Variants in CACNA1C observed in about 807,000 individuals in gnomAD.
CACNA1C encodes the protein voltage-dependent L-type calcium channel subunit alpha-1C.
In CACNA1C, 30 loss-of-function variants were observed where a neutral mutation model predicts 229.0. The observed-to-expected ratio is 0.13, with a 90% CI of 0.10 to 0.18. CACNA1C has a LOEUF of 0.18. CACNA1C is among the 10% of genes least tolerant of loss of function. CACNA1C has a pLI of 1.00. For synonymous variants in CACNA1C, 1,114 were observed against 1,132.5 expected, an observed-to-expected ratio of 0.98 and a Z score of 0.33; for missense variants, 1,658 against 2,845.0, an observed-to-expected ratio of 0.58 and a Z score of 9.49.
intron 3 of CACNA1C, among the ~76,000 whole-genome samples, chr12:2,169,478 C>G (rs1333005920): frequency 6.6e-6 from 1 of 152,226 alleles, no homozygotes; most frequent in Non-Finnish European, 1.5e-5. Context: ...GTCTAAGCAC[C>G]TGCTCATGCC....
At position 2,488,655 on chromosome 12, in the gene CACNA1C, C is replaced by T. The variant is rs2099706108; in HGVS notation, c.916+2393C>T. 6.6e-6 allele frequency among the ~76,000 whole-genome samples: 1 copy of T among 152,194 alleles called. No individual in the cohort carries two copies. The highest frequency in any genetic ancestry group is 1.5e-5 in the Non-Finnish European group (1 of 68,040). On this transcript the variant is annotated intron_variant, in intron 6 of 46. Transcript: ENST00000399655. The surrounding 1 kb of genome is among the most constrained non-coding windows in gnomAD (Gnocchi z 4.0). ...TCAGAAGAGAAGTAGGCTCCCATCA[C>T]AGAAATGGCCATGAGCCAAGGGGGC... is the stretch of plus-strand genomic sequence containing the variant.
chr12:2,161,601 T>C (rs1256403020), intron 3 of CACNA1C, among the ~76,000 whole-genome samples: 4 of 152,038 alleles, frequency 2.6e-5, no homozygotes, highest in African/African-American at 9.7e-5. Context: ...CCGTGAAAAA[T>C]GATGGGGACT....
chr12:2,573,161 A>C (rs1327035243), intron 13 of CACNA1C, among the ~76,000 whole-genome samples: 2 of 152,080 alleles, frequency 1.3e-5, no homozygotes, highest in African/African-American at 4.8e-5. Flanking sequence ...GTGATACTCC[A>C]GCCTCGTCTC....
chr12:2,467,596 G>A lies in CACNA1C; in HGVS notation c.757+9890G>A, dbSNP rs1398217428. Among the ~76,000 whole-genome samples, 1 of 152,160 alleles carries A rather than the reference G, an allele frequency of 6.6e-6. No homozygotes were observed. The highest frequency in any genetic ancestry group is 1.5e-5 in the Non-Finnish European group (1 of 68,016). On this transcript the variant is annotated intron_variant, in intron 5 of 46. Coordinates refer to ENST00000399655, the MANE Select transcript of CACNA1C (RefSeq NM_000719.7). This position sits in a 1 kb window ranked among gnomAD's most constrained non-coding sequence, Gnocchi z 4.6. Reference sequence around the variant, plus strand: ...AGGGCAGCCAGAGACAGCAGGGGGTGGCGGGGGGCCCTTCACACTGCAGGA... The same window carrying A: ...AGGGCAGCCAGAGACAGCAGGGGGTAGCGGGGGGCCCTTCACACTGCAGGA...
chr12:2,512,821 C>A lies in CACNA1C; in HGVS notation c.1227C>A (p.Ser409=). ...CTCTCACTCTCACCAGAGAGTTTTC[C>A]AAAGAGAGGGAGAAGGCCAAGGCCC... ...LVLGVLSGEF[S]KEREKAKARG... is the part of the protein sequence containing the mutation. Residue 409 remains serine (S), a synonymous_variant, in exon 9 of 47, where the codon TCC becomes TCA. Transcript: ENST00000399655. This position sits in a 1 kb window ranked among gnomAD's most constrained non-coding sequence, Gnocchi z 4.3. The A allele has an allele frequency of 6.2e-7, 1 of 1,611,242 alleles. No homozygotes were observed. The highest frequency in any genetic ancestry group is 1.1e-5 in the South Asian group (1 of 90,230).
In CACNA1C at chr12:2,004,281, C is replaced by G. The variant is rs766651201; in HGVS notation, c.139+33080C>G. On this transcript the variant is annotated intron_variant, in intron 1 of 46. Transcript: ENST00000682462. Reference sequence around the variant, plus strand: ...CACTGCTCCGCCGCGTCCGCACGCACCCACTCGTTGGCCCGATGGCCGAAG... The same window carrying G: ...CACTGCTCCGCCGCGTCCGCACGCAGCCACTCGTTGGCCCGATGGCCGAAG... 2.5e-6 allele frequency: 4 copies of G among 1,613,088 alleles called. No individual in the cohort carries two copies. In the East Asian group the frequency reaches 8.9e-5, roughly 36 times the overall value.
At chr12:2,059,807 C>T (rs1195408270) in intron 1 of CACNA1C, among the ~76,000 whole-genome samples, 1 of 152,124 alleles carries the variant, frequency 6.6e-6, no homozygotes, top group Non-Finnish European at 1.5e-5. Flanking sequence ...AATACAAGGT[C>T]TTCAGTCTCT....
At chr12:2,265,191 C>T (rs955529090) in intron 3 of CACNA1C, among the ~76,000 whole-genome samples, 3 of 152,156 alleles carry the variant, frequency 2.0e-5, no homozygotes, top group African/African-American at 7.2e-5. Flanking sequence ...GTGATGCTGA[C>T]CTTCTGCACA....
At chr12:2,302,456 T>G (rs2094637209) in intron 3 of CACNA1C, among the ~76,000 whole-genome samples, 3 of 151,996 alleles carry the variant, frequency 2.0e-5, no homozygotes, top group African/African-American at 7.3e-5. Flanking sequence ...TCGTCCATAC[T>G]GCCCATCTTC....
chr12:2,193,232 A>G (rs1296162755), intron 3 of CACNA1C, among the ~76,000 whole-genome samples: 1 of 152,236 alleles, frequency 6.6e-6, no homozygotes, highest in African/African-American at 2.4e-5. Flanking sequence ...AGGCGGGTGG[A>G]TCACTTGAAC....
intron 3 of CACNA1C, among the ~76,000 whole-genome samples, chr12:2,365,567 C>T (rs2097699245): frequency 6.6e-6 from 1 of 152,340 alleles, no homozygotes; most frequent in South Asian, 2.1e-4. Flanking sequence ...GCATGTCTAC[C>T]ACTGGCCTTC....
rs2093326047 is a variant in CACNA1C at position 2,639,197 on chromosome 12, G to A, written c.3912+4817G>A. Reference sequence around the variant, plus strand: ...ATGCATCACCTGGGTCTAAATCCGAGCTTTTCTTCCTCTGTGAGCCGGGGA... The same window carrying A: ...ATGCATCACCTGGGTCTAAATCCGAACTTTTCTTCCTCTGTGAGCCGGGGA... On this transcript the variant is annotated intron_variant, in intron 30 of 46. Transcript: ENST00000399655. This position sits in a 1 kb window ranked among gnomAD's most constrained non-coding sequence, Gnocchi z 4.2. 6.6e-6 allele frequency among the ~76,000 whole-genome samples: 1 copy of A among 152,202 alleles called. No individual in the cohort carries two copies. The highest frequency in any genetic ancestry group is 2.4e-5 in the African/African-American group (1 of 41,448).
intron 9 of CACNA1C, among the ~76,000 whole-genome samples, chr12:2,540,744 A>G (rs1228583286): frequency 6.6e-6 from 1 of 152,222 alleles, no homozygotes; most frequent in Non-Finnish European, 1.5e-5. Context: ...AGAGGTTGGT[A>G]CGGAGCCAGC....
At chr12:2,069,898 G>T (rs2060600089) in intron 1 of CACNA1C, among the ~76,000 whole-genome samples, 1 of 152,102 alleles carries the variant, frequency 6.6e-6, no homozygotes, top group African/African-American at 2.4e-5. Context: ...GCTCACGGCA[G>T]CCTCAAATTC....
intron 4 of CACNA1C, among the ~76,000 whole-genome samples, chr12:2,456,297 A>G (rs2099417901): frequency 6.6e-6 from 1 of 152,172 alleles, no homozygotes; most frequent in African/African-American, 2.4e-5. Context: ...TGAGCCACCC[A>G]GTGTCTCGCG....
intron 5 of CACNA1C, among the ~76,000 whole-genome samples, chr12:2,470,356 T>C (rs1449554713): frequency 6.6e-6 from 1 of 151,992 alleles, no homozygotes; most frequent in Non-Finnish European, 1.5e-5. Flanking sequence ...ATAATGGCAA[T>C]AATAAAGGCC....
chr12:2,491,633 A>AAGGAGG (rs567691310), intron 6 of CACNA1C, among the ~76,000 whole-genome samples: 3 of 149,324 alleles, frequency 2.0e-5, no homozygotes, highest in Admixed American at 6.7e-5. Context: ...AGAGGAGAAG[A>AAGGAGG]AGGAGGAGGA....
At chr12:2,445,832 CAT>C (rs2099271979) in intron 3 of CACNA1C, among the ~76,000 whole-genome samples, 1 of 152,168 alleles carries the variant, frequency 6.6e-6, no homozygotes, top group Non-Finnish European at 1.5e-5. Context: ...AGTTTCCCAG[CAT>C]ATAGGGCCCT....
At chr12:2,378,285 T>G (rs1338224602) in intron 3 of CACNA1C, among the ~76,000 whole-genome samples, 2 of 151,912 alleles carry the variant, frequency 1.3e-5, no homozygotes, top group Non-Finnish European at 2.9e-5. Context: ...TCCAGGAGAG[T>G]TCCAGGCATC....
Sources: gnomAD v4.1 joint callset for allele counts (sites outside exome capture counted in the v4.1 genomes callset) on GRCh38, gnomAD v4.1.1 for gene constraint, Gnocchi (gnomAD v3.1) non-coding constraint, MANE v1.5 for transcripts, NCBI Gene and HGNC (gene_info 2026-07-23, HGNC 2026-07-21) for gene names.